Variants in CFAP97 observed in about 807,000 individuals in gnomAD.
The protein encoded by CFAP97 is cilia and flagella associated protein 97, also known as cilia- and flagella-associated protein 97.
Under a neutral mutation model 43.1 loss-of-function variants are expected in CFAP97, and 36 were observed. The observed-to-expected ratio is 0.84, with a 90% confidence interval of 0.64 to 1.10. The LOEUF (loss-of-function observed/expected upper bound fraction) is 1.10, where lower values mean the gene tolerates loss of function less well. Ranked by LOEUF, CFAP97 falls within the 50% of genes least tolerant of loss-of-function variation. CFAP97 has a pLI of 0.00. For missense variants in CFAP97, 657 were observed against 620.3 expected, an observed-to-expected ratio of 1.06 and a Z score of -0.63; for synonymous variants, 228 against 225.7, an observed-to-expected ratio of 1.01 and a Z score of -0.09.
At chr4:185,205,091 C>T (rs1737127573), upstream of CFAP97, among the ~76,000 whole-genome samples, 1 of 152,188 alleles carries the variant, frequency 6.6e-6, no homozygotes, top group Admixed American at 6.5e-5. Flanking sequence ...CTATTTTCGT[C>T]CTTCACAATG....
At position 185,209,422 on chromosome 4, in the gene CFAP97, G is replaced by GGT. The variant is rs1737367499; in HGVS notation, c.-173_-172dup. On this transcript the variant is annotated 5_prime_UTR_variant, in exon 1 of 3. Transcript: ENST00000503223. This position sits in a 1 kb window ranked among gnomAD's most constrained non-coding sequence, Gnocchi z 5.2. ...GGAGGAGGGGAGCGTGGGAAAGAGA[G>GGT]GTGTGCACCGCGCTGGGTCGCGCCC... The GGT allele has an allele frequency of 6.6e-6, 1 of 152,310 alleles. No individual in the cohort carries two copies. The highest frequency in any genetic ancestry group is 2.1e-4 in the South Asian group (1 of 4,838). The allele number at this position is 152,310 out of a possible 1,614,324, so 9.4% of individuals were successfully genotyped here. A position where few individuals can be genotyped will look rare whatever the true frequency, so the allele number is the denominator to read the frequency against.
intron 1 of CFAP97, among the ~76,000 whole-genome samples, chr4:185,191,523 A>G (rs1736254522): frequency 2.0e-5 from 3 of 152,112 alleles, no homozygotes; most frequent in Admixed American, 2.0e-4. Context: ...GCCTTCTATA[A>G]ATTAAGTACA....
intron 1 of CFAP97, 131 bp downstream of exon 1, chr4:185,203,767 A>G (rs1351544887): frequency 1.3e-5 from 2 of 151,462 alleles, no homozygotes; most frequent in East Asian, 3.9e-4. Context: ...CCGTCCGCGC[A>G]GGCTTCGTTA....
intron 2 of CFAP97, among the ~76,000 whole-genome samples, chr4:185,184,314 C>T (rs193208406): frequency 2.0e-5 from 3 of 152,240 alleles, no homozygotes; most frequent in Non-Finnish European, 2.9e-5. Context: ...TTTCCTCCTA[C>T]TTCACAGATC....
intron 2 of CFAP97, among the ~76,000 whole-genome samples, chr4:185,185,633 C>CTTTTTT (rs376786641): frequency 3.8e-5 from 4 of 105,958 alleles, no homozygotes; most frequent in African/African-American, 7.3e-5. Context: ...ATTTGCCAAC[C>CTTTTTT]TTTTTTTTTT....
chr4:185,202,859 A>G (rs1248344741), intron 1 of CFAP97, among the ~76,000 whole-genome samples: 1 of 152,270 alleles, frequency 6.6e-6, no homozygotes, highest in Non-Finnish European at 1.5e-5. Flanking sequence ...AATTTACCCA[A>G]CAATCCCATC....
chr4:185,192,821 A>G (rs1006930201), intron 1 of CFAP97, among the ~76,000 whole-genome samples: 2 of 143,288 alleles, frequency 1.4e-5, no homozygotes, highest in African/African-American at 5.3e-5. Flanking sequence ...GCTCAGTGCA[A>G]GCTCCGCCTC....
chr4:185,187,440 G>A (rs1289895223), intron 2 of CFAP97, among the ~76,000 whole-genome samples: 1 of 151,908 alleles, frequency 6.6e-6, no homozygotes, highest in Non-Finnish European at 1.5e-5. Flanking sequence ...TAAGTATCCC[G>A]ATGGAGAGAA....
At chr4:185,166,539 G>A (rs1260599540) in intron 3 of CFAP97, among the ~76,000 whole-genome samples, 1 of 152,036 alleles carries the variant, frequency 6.6e-6, no homozygotes, top group Non-Finnish European at 1.5e-5. Context: ...GGTTGGATGA[G>A]TATTTTTCTT....
At chr4:185,191,322 A>C in intron 1 of CFAP97, 110 bp from the exon 2 acceptor site, 1 of 749,212 alleles carries the variant, frequency 1.3e-6, no homozygotes, top group Non-Finnish European at 2.0e-6. Flanking sequence ...TAATATATAA[A>C]AAGAAACATT....
chr4:185,198,862 G>A (rs1332021574), intron 1 of CFAP97, among the ~76,000 whole-genome samples: 1 of 151,946 alleles, frequency 6.6e-6, no homozygotes, highest in Non-Finnish European at 1.5e-5. Flanking sequence ...CTAGCTAAGA[G>A]AATTGCTGAA....
chr4:185,186,244 C>A (rs776112057), intron 2 of CFAP97, among the ~76,000 whole-genome samples: 22 of 152,046 alleles, frequency 1.4e-4, no homozygotes, highest in Non-Finnish European at 3.2e-4. Flanking sequence ...ACCAGCCTGA[C>A]CAACATGGTG....
At chr4:185,204,425 G>C (rs1737096288), upstream of CFAP97, 1 of 152,250 alleles carries the variant, frequency 6.6e-6, no homozygotes, top group Non-Finnish European at 1.5e-5. Flanking sequence ...TGGACCAGAG[G>C]CTGGTTTCAG....
chr4:185,208,432 A>C (rs750428544), upstream of CFAP97, among the ~76,000 whole-genome samples: 7 of 152,148 alleles, frequency 4.6e-5, no homozygotes, highest in Non-Finnish European at 1.0e-4. Context: ...AGAAGGTTTA[A>C]GAAAGAATGA....
rs1281746387 is a variant in CFAP97, at chr4:185,191,141, C to T, written c.56G>A (p.Ser19Asn). Residue 19 changes from serine (S) to asparagine (N), a missense_variant, in exon 2 of 5, where the codon AGT (serine) becomes AAT (asparagine). Coordinates refer to ENST00000458385, the MANE Select transcript of CFAP97 (RefSeq NM_020827.3). ...ACATTTCTTTCCTTCTTCAAAGTCA[C>T]TGTCAAAGAAAGAATGGTCCACTTC... Reference protein sequence around the residue: ...EGEVDHSFFDSDFEEGKKCET... With the variant: ...EGEVDHSFFDNDFEEGKKCET... The T allele has an allele frequency of 6.2e-7, 1 of 1,607,670 alleles. No individual in the cohort carries two copies. The highest frequency in any genetic ancestry group is 1.1e-5 in the South Asian group (1 of 90,166).
chr4:185,167,120 T>C (rs1735101834), intron 3 of CFAP97, among the ~76,000 whole-genome samples: 1 of 151,686 alleles, frequency 6.6e-6, no homozygotes, highest in Admixed American at 6.6e-5. Flanking sequence ...AAATCAAAAG[T>C]GTATGCATTT....
At position 185,162,139 on chromosome 4, in the gene CFAP97, A is replaced by G. The variant is rs1734894461; in HGVS notation, c.*659T>C. The G allele has an allele frequency of 6.6e-6, 1 of 152,230 alleles. No homozygotes were observed. The highest frequency in any genetic ancestry group is 2.1e-4 in the South Asian group (1 of 4,830). 9.4% of individuals were successfully genotyped at this position (152,230 alleles called of 1,614,324 possible). A position where few individuals can be genotyped will look rare whatever the true frequency, so the allele number is the denominator to read the frequency against. ...GGGAAGCTTCTAAGTTGAACTTTCTAATATTCATATTTGAAATGGTTTGGA... is the reference window on the plus strand; with the variant it reads ...GGGAAGCTTCTAAGTTGAACTTTCTGATATTCATATTTGAAATGGTTTGGA... On this transcript the variant is annotated 3_prime_UTR_variant, in exon 5 of 5. Transcript: ENST00000458385.
upstream of CFAP97, among the ~76,000 whole-genome samples, chr4:185,207,971 T>C (rs917476949): frequency 2.0e-5 from 3 of 152,232 alleles, no homozygotes; most frequent in Admixed American, 6.5e-5. Context: ...GATTTGGTTG[T>C]TGTTGATAAC....
chr4:185,193,319 T>C (rs140773146), intron 1 of CFAP97, among the ~76,000 whole-genome samples: 1 of 152,298 alleles, frequency 6.6e-6, no homozygotes, highest in Non-Finnish European at 1.5e-5. Context: ...TACACATTGA[T>C]AGTCAAAAGT....
Sources: gnomAD v4.1 joint callset for allele counts (sites outside exome capture counted in the v4.1 genomes callset) on GRCh38, gnomAD v4.1.1 for gene constraint, Gnocchi (gnomAD v3.1) non-coding constraint, MANE v1.5 for transcripts, NCBI Gene and HGNC (gene_info 2026-07-23, HGNC 2026-07-21) for gene names.